Variants in NLGN4X observed in about 807,000 individuals in gnomAD.
NLGN4X encodes the protein neuroligin 4 X-linked.
A neutral mutation model predicts 40.3 loss-of-function variants in NLGN4X; 3 were observed. That is an observed-to-expected ratio of 0.07 (90% CI 0.03 to 0.19). The LOEUF (loss-of-function observed/expected upper bound fraction) is 0.19. Ranked by LOEUF, NLGN4X falls within the 10% of genes least tolerant of loss-of-function variation. The pLI is 1.00. For missense variants in NLGN4X, 382 were observed against 708.3 expected, an observed-to-expected ratio of 0.54 and a Z score of 5.23; for synonymous variants, 270 against 306.8, an observed-to-expected ratio of 0.88 and a Z score of 1.25.
At chrX:6,119,541 T>C (rs918800677) in intron 2 of NLGN4X, among the ~76,000 whole-genome samples, 4 of 110,663 alleles carry the variant, frequency 3.6e-5, no homozygotes, top group African/African-American at 1.3e-4. Context: ...GGTAATAACG[T>C]TGGAAAAGAA....
intron 3 of NLGN4X, among the ~76,000 whole-genome samples, chrX:5,936,256 T>C (rs549212558): frequency 4.5e-5 from 5 of 111,707 alleles, no homozygotes; most frequent in African/African-American, 1.3e-4. Context: ...ACGGGAGTGA[T>C]TACTAACCTT....
At chrX:5,908,924 G>T in intron 4 of NLGN4X, 130 bp downstream of exon 4, 1 of 710,488 alleles carries the variant, frequency 1.4e-6, no homozygotes, top group Non-Finnish European at 2.1e-6. Context: ...GGATTCATTT[G>T]ATCTTTTGGG....
In NLGN4X at chrX:6,025,879, G is replaced by A. The variant is rs555121815; in HGVS notation, c.625+3401C>T. On this transcript the variant is annotated intron_variant, in intron 3 of 5. Coordinates refer to ENST00000381095, the MANE Select transcript of NLGN4X (RefSeq NM_181332.3). Reference sequence around the variant, plus strand: ...AGATCATGCCACTGCCCTCCAGCCTGGGCAATAAAAGCGAGACTCCATCTC... The same window carrying A: ...AGATCATGCCACTGCCCTCCAGCCTAGGCAATAAAAGCGAGACTCCATCTC... Among the ~76,000 whole-genome samples, 8 of 103,093 alleles carry A rather than the reference G, an allele frequency of 7.8e-5. No individual in the cohort carries two copies. In the South Asian group the frequency reaches 3.8e-3, roughly 48 times the overall value. 89.5% of individuals were successfully genotyped at this position (103,093 alleles called of 115,157 possible). A position where few individuals can be genotyped will look rare whatever the true frequency, so the allele number is the denominator to read the frequency against.
At chrX:6,183,374 T>C (rs1411246546) in intron 1 of NLGN4X, among the ~76,000 whole-genome samples, 4 of 109,963 alleles carry the variant, frequency 3.6e-5, no homozygotes, top group Admixed American at 9.6e-5. Flanking sequence ...GGTGAAACCC[T>C]GTCTCTACTA....
intron 1 of NLGN4X, among the ~76,000 whole-genome samples, chrX:6,204,783 T>C (rs1481179043): frequency 4.5e-5 from 5 of 111,778 alleles, no homozygotes; most frequent in African/African-American, 1.3e-4. Context: ...ATGCTTATGT[T>C]TGAGAAACAC....
intron 3 of NLGN4X, among the ~76,000 whole-genome samples, chrX:5,957,211 G>A (rs776177181): frequency 4.5e-5 from 5 of 111,479 alleles, no homozygotes; most frequent in Admixed American, 1.9e-4. Context: ...CCTGCATTAC[G>A]TGCAAATAGA....
chrX:6,085,737 T>C (rs5915642), intron 2 of NLGN4X, among the ~76,000 whole-genome samples: 52,641 of 111,025 alleles, frequency 0.47, 9,043 homozygotes, highest in Admixed American at 0.52. Flanking sequence ...TTCCTATGTG[T>C]TTTCAATACT....
intron 2 of NLGN4X, among the ~76,000 whole-genome samples, chrX:6,054,682 T>C (rs182409284): frequency 9.1e-6 from 1 of 109,925 alleles, no homozygotes; most frequent in Non-Finnish European, 1.9e-5. Flanking sequence ...TGAGATGGAG[T>C]TTTTTGCTTG....
At chrX:6,227,513 C>T (rs1294529561) in intron 1 of NLGN4X, among the ~76,000 whole-genome samples, 1 of 109,919 alleles carries the variant, frequency 9.1e-6, no homozygotes, top group Admixed American at 9.6e-5. Context: ...GCAAGCCCCC[C>T]CGCGCCCCCC....
In NLGN4X at chrX:6,020,469, C is replaced by T. The variant is rs143612503; in HGVS notation, c.625+8811G>A. 7.2e-3 allele frequency among the ~76,000 whole-genome samples: 807 copies of T among 111,576 alleles called. 6 individuals are homozygous for T. Among genetic ancestry groups the T allele is most frequent in the Middle Eastern group, 0.037 (8 of 214 alleles). ...CTTGAAGCTGGAGGTGGAGAGGAAA[C>T]GGGAGATGTTGGCCAAAGGTTACAA... On this transcript the variant is annotated intron_variant, in intron 3 of 5. Coordinates refer to ENST00000381095, the MANE Select transcript of NLGN4X (RefSeq NM_181332.3).
chrX:6,210,266 GTGTGTGTGTA>G (rs200769659), intron 1 of NLGN4X, among the ~76,000 whole-genome samples: 12,924 of 103,665 alleles, frequency 0.12, 697 homozygotes, highest in African/African-American at 0.23. Context: ...GTGTGTGTGT[GTGTGTGTGTA>G]TGTATGTAAT....
At chrX:6,170,311 A>C (rs1360535563) in intron 1 of NLGN4X, among the ~76,000 whole-genome samples, 1 of 112,006 alleles carries the variant, frequency 8.9e-6, no homozygotes, top group African/African-American at 3.2e-5. Flanking sequence ...CATGCTTCCT[A>C]AACTCTGCTG....
At chrX:6,005,083 G>A (rs1424015192) in intron 3 of NLGN4X, among the ~76,000 whole-genome samples, 1 of 112,277 alleles carries the variant, frequency 8.9e-6, no homozygotes, top group Non-Finnish European at 1.9e-5. Flanking sequence ...CATAAGATAA[G>A]TGCTTCTTTC....
At chrX:5,926,934 T>TTCTATCTA (rs3072082) in intron 3 of NLGN4X, among the ~76,000 whole-genome samples, 11,312 of 96,717 alleles carry the variant, frequency 0.12, 556 homozygotes, top group Middle Eastern at 0.13. Context: ...TCTCTATATC[T>TTCTATCTA]TCTATCTATC....
In NLGN4X at chrX:5,891,262, C is replaced by T; in HGVS notation, c.*1555G>A. The T allele has an allele frequency of 4.3e-6, 1 of 234,839 alleles. No homozygotes were observed. The highest frequency in any genetic ancestry group is 7.7e-6 in the Non-Finnish European group (1 of 130,499). 19.4% of individuals were successfully genotyped at this position (234,839 alleles called of 1,213,427 possible). ...CTTCTCAGTGAAGTTATCCTAATTTCCCAGAAAACCCATGCAAAGCAGTTT... is the reference window on the plus strand; with the variant it reads ...CTTCTCAGTGAAGTTATCCTAATTTTCCAGAAAACCCATGCAAAGCAGTTT... On this transcript the variant is annotated 3_prime_UTR_variant, in exon 6 of 6. Transcript: ENST00000381095.
intron 1 of NLGN4X, among the ~76,000 whole-genome samples, chrX:6,185,605 C>A (rs1165796316): frequency 8.9e-6 from 1 of 111,896 alleles, no homozygotes; most frequent in Non-Finnish European, 1.9e-5. Context: ...AATCCAGGAA[C>A]CCCCTGGTTT....
intron 3 of NLGN4X, among the ~76,000 whole-genome samples, chrX:5,986,888 G>A (rs1020453718): frequency 8.9e-6 from 1 of 111,953 alleles, no homozygotes; most frequent in Admixed American, 9.5e-5. Context: ...CACTCCTGGT[G>A]AAAACAGGCA....
chrX:5,932,624 A>C (rs990128976), intron 3 of NLGN4X, among the ~76,000 whole-genome samples: 3 of 111,661 alleles, frequency 2.7e-5, no homozygotes, highest in African/African-American at 9.7e-5. Flanking sequence ...AATAAATAAT[A>C]GTAAAGATGA....
intron 3 of NLGN4X, among the ~76,000 whole-genome samples, chrX:5,975,521 G>A (rs1238605350): frequency 1.9e-5 from 2 of 107,012 alleles, no homozygotes; most frequent in African/African-American, 3.5e-5. Flanking sequence ...GCTGAGGCAG[G>A]AGAATTGCTT....
Sources: gnomAD v4.1 joint callset for allele counts (sites outside exome capture counted in the v4.1 genomes callset) on GRCh38, gnomAD v4.1.1 for gene constraint, MANE v1.5 for transcripts, NCBI Gene and HGNC (gene_info 2026-07-23, HGNC 2026-07-21) for gene names.